FBXW8: variants seen among roughly 807,000 people sequenced by gnomAD.
The protein encoded by FBXW8 is F-box/WD repeat-containing protein 8.
Under a neutral mutation model 65.3 loss-of-function variants are expected in FBXW8, and 57 were observed. That is an observed-to-expected ratio of 0.87 (90% CI 0.71 to 1.09). The LOEUF is 1.09. Ranked by LOEUF, FBXW8 falls within the 50% of genes least tolerant of loss-of-function variation. The probability of loss-of-function intolerance (pLI) is 0.00; values close to 1 mark genes in which losing one functional copy is unlikely to be tolerated. For missense variants in FBXW8, 777 were observed against 814.8 expected, an observed-to-expected ratio of 0.95 and a Z score of 0.57; for synonymous variants, 308 against 330.2, an observed-to-expected ratio of 0.93 and a Z score of 0.73.
At chr12:117,019,710 T>C (rs968112592) in intron 8 of FBXW8, among the ~76,000 whole-genome samples, 4 of 152,280 alleles carry the variant, frequency 2.6e-5, no homozygotes, top group African/African-American at 9.6e-5. Context: ...CGCATCCACC[T>C]CTCAGCTCAA....
intron 2 of FBXW8, among the ~76,000 whole-genome samples, chr12:116,941,533 C>T (rs1185927761): frequency 2.6e-5 from 4 of 152,200 alleles, no homozygotes; most frequent in Non-Finnish European, 5.9e-5. Context: ...GAGGCCAAAA[C>T]TTTAATGTGT....
At chr12:116,943,678 T>C (rs1882751468) in intron 2 of FBXW8, among the ~76,000 whole-genome samples, 2 of 152,204 alleles carry the variant, frequency 1.3e-5, no homozygotes, top group South Asian at 4.1e-4. Flanking sequence ...TCTCTGGTCT[T>C]TCCTGGGCAC....
intron 1 of FBXW8, among the ~76,000 whole-genome samples, chr12:116,925,100 T>C (rs1881216945): frequency 6.6e-6 from 1 of 152,140 alleles, no homozygotes; most frequent in Non-Finnish European, 1.5e-5. Context: ...ATTGAACTTT[T>C]CAAAAAATAG....
chr12:116,965,079 A>T (rs1234963086), intron 5 of FBXW8, among the ~76,000 whole-genome samples: 1 of 152,234 alleles, frequency 6.6e-6, no homozygotes, highest in Admixed American at 6.5e-5. Flanking sequence ...CTGGTGTTTA[A>T]TTCCTACTGG....
At chr12:116,928,595 C>G (rs981726006) in intron 2 of FBXW8, among the ~76,000 whole-genome samples, 4 of 152,186 alleles carry the variant, frequency 2.6e-5, no homozygotes, top group African/African-American at 9.7e-5. Context: ...ACTTTAGGAT[C>G]TCACTCAGTG....
chr12:117,011,395 G>C (rs2135710921), intron 8 of FBXW8, among the ~76,000 whole-genome samples: 1 of 152,240 alleles, frequency 6.6e-6, no homozygotes, highest in African/African-American at 2.4e-5. Flanking sequence ...TTCACCCCTA[G>C]ATACCCACCC....
At chr12:117,003,823 G>T (rs1953604220) in intron 7 of FBXW8, among the ~76,000 whole-genome samples, 1 of 152,126 alleles carries the variant, frequency 6.6e-6, no homozygotes, top group South Asian at 2.1e-4. Flanking sequence ...TCTCTTTTAG[G>T]ACTTTCTCTC....
chr12:116,974,029 A>G (rs1334773648), intron 5 of FBXW8, among the ~76,000 whole-genome samples: 3 of 152,304 alleles, frequency 2.0e-5, no homozygotes, highest in African/African-American at 7.2e-5. Flanking sequence ...GAGAACAAAC[A>G]TGGTGAGGCC....
intron 3 of FBXW8, among the ~76,000 whole-genome samples, chr12:116,948,307 G>A (rs781544053): frequency 4.0e-5 from 6 of 151,846 alleles, no homozygotes; most frequent in Non-Finnish European, 8.8e-5. Flanking sequence ...CCTTGGTTGC[G>A]GCCTTCACAC....
intron 4 of FBXW8, 55 bp from the exon 5 acceptor site, chr12:116,964,642 C>T (rs1884198839): frequency 1.9e-6 from 3 of 1,603,448 alleles, no homozygotes; most frequent in Non-Finnish European, 2.6e-6. Context: ...ATTTTCCCCA[C>T]CATAGCCCTG....
Position 117,010,390 on chromosome 12 carries a change from C to T in FBXW8, c.1307C>T (p.Thr436Met), listed in dbSNP as rs1565940287. The T allele has an allele frequency of 8.1e-6, 13 of 1,614,128 alleles. No homozygotes were observed. Among genetic ancestry groups the T allele is most frequent in the East Asian group, 2.2e-5 (1 of 44,892 alleles). Residue 436 changes from threonine to methionine, a missense_variant, in exon 8 of 11, where the codon ACG becomes ATG. Transcript: ENST00000652555. ...LKLGNVLRDF[T>M]CVNLSDSPPN... ...CTGGGTAACGTTCTCCGTGACTTCACGTGTGTCAACCTCAGCGACAGCCCT... is the reference window on the plus strand; with the variant it reads ...CTGGGTAACGTTCTCCGTGACTTCATGTGTGTCAACCTCAGCGACAGCCCT...
chr12:116,953,223 T>C (rs1370018895), intron 4 of FBXW8, among the ~76,000 whole-genome samples: 1 of 152,208 alleles, frequency 6.6e-6, no homozygotes, highest in Non-Finnish European at 1.5e-5. Flanking sequence ...TTTCTCAGTT[T>C]AGAATCATAC....
intron 1 of FBXW8, among the ~76,000 whole-genome samples, chr12:116,917,634 T>C (rs990330591): frequency 6.6e-6 from 1 of 152,234 alleles, no homozygotes; most frequent in Admixed American, 6.5e-5. Flanking sequence ...TGAGCAGTGC[T>C]GCCTTGGAGT....
At chr12:116,932,868 G>A (rs1593053127) in intron 2 of FBXW8, among the ~76,000 whole-genome samples, 1 of 152,102 alleles carries the variant, frequency 6.6e-6, no homozygotes, top group Admixed American at 6.6e-5. Flanking sequence ...TTGCTTAATC[G>A]TTTTTCTACT....
chr12:116,941,008 C>T (rs77789784), intron 2 of FBXW8, among the ~76,000 whole-genome samples: 192 of 152,312 alleles, frequency 1.3e-3, no homozygotes, highest in African/African-American at 4.5e-3. Context: ...AATATGATCG[C>T]TGTCTTCAGC....
chr12:116,947,963 T>A (rs952625630), intron 3 of FBXW8, among the ~76,000 whole-genome samples: 11 of 152,118 alleles, frequency 7.2e-5, no homozygotes, highest in African/African-American at 2.7e-4. Context: ...AGCATAGGCC[T>A]CTGCACACAG....
At chr12:117,021,879 G>C (rs750607345) in intron 8 of FBXW8, among the ~76,000 whole-genome samples, 1 of 152,146 alleles carries the variant, frequency 6.6e-6, no homozygotes, top group Non-Finnish European at 1.5e-5. Flanking sequence ...GTTTCATCCC[G>C]TTGCTTTCGG....
chr12:117,024,243 C>A lies in FBXW8; in HGVS notation c.1464C>A (p.Ile488=). The A allele has an allele frequency of 6.2e-7, 1 of 1,614,146 alleles. No individual in the cohort carries two copies. The highest frequency in any genetic ancestry group is 8.5e-7 in the Non-Finnish European group (1 of 1,180,034). ...VSAVQMDDWK[I]VSGGEEGLVS... is the part of the protein sequence containing the mutation. ...CTGTGCAGATGGATGACTGGAAGAT[C>A]GTCAGTGGAGGCGAGGAAGGCCTGG... The change falls in exon 9 of 11, where the codon ATC becomes ATA. Residue 488 remains isoleucine (I), a synonymous_variant. Coordinates refer to ENST00000652555, the MANE Select transcript of FBXW8 (RefSeq NM_153348.3).
intron 5 of FBXW8, among the ~76,000 whole-genome samples, chr12:116,967,777 TTTG>T (rs1363218385): frequency 6.6e-6 from 1 of 152,164 alleles, no homozygotes; most frequent in African/African-American, 2.4e-5. Flanking sequence ...TTCTTTTTTG[TTTG>T]TTTTGAGATA....
Sources: gnomAD v4.1 joint callset for allele counts (sites outside exome capture counted in the v4.1 genomes callset) on GRCh38, gnomAD v4.1.1 for gene constraint, MANE v1.5 for transcripts, NCBI Gene and HGNC (gene_info 2026-07-23, HGNC 2026-07-21) for gene names.